Variants in ITFG1 observed in about 807,000 individuals in gnomAD.
ITFG1 encodes T-cell immunomodulatory protein.
In ITFG1, 34 loss-of-function variants were observed where a neutral mutation model predicts 81.8. That is an observed-to-expected ratio of 0.42 (90% CI 0.32 to 0.55). The LOEUF is 0.55. ITFG1 is among the 20% of genes least tolerant of loss of function. The pLI, the probability that ITFG1 is intolerant of heterozygous loss-of-function variation, is 0.17. For missense variants in ITFG1, 672 were observed against 755.4 expected (o/e 0.89, Z 1.29); for synonymous variants, 285 against 270.6 (o/e 1.05, Z -0.52).
At chr16:47,339,140 T>A (rs1210461649) in intron 8 of ITFG1, among the ~76,000 whole-genome samples, 3 of 152,278 alleles carry the variant, frequency 2.0e-5, no homozygotes, top group African/African-American at 7.2e-5. Context: ...AATCTCATTC[T>A]TTCTTATGCC....
chr16:47,162,523 A>G lies in ITFG1; in HGVS notation c.1578+17T>C. The G allele has an allele frequency of 6.3e-7, 1 of 1,580,434 alleles. No homozygotes were observed. The highest frequency in any genetic ancestry group is 1.2e-5 in the South Asian group (1 of 85,398). On this transcript the variant is annotated intron_variant, in intron 15 of 17. Coordinates refer to ENST00000320640, the MANE Select transcript of ITFG1 (RefSeq NM_030790.5). ...TAAAACATAGATTAATTGTAAACAA[A>G]ATGAATTTTTACTCACTTTTTCTCC...
chr16:47,352,823 G>A (rs1357441825), intron 8 of ITFG1, among the ~76,000 whole-genome samples: 2 of 152,132 alleles, frequency 1.3e-5, no homozygotes, highest in African/African-American at 4.8e-5. Context: ...GTCCAACAAT[G>A]ACAGACTGGA....
chr16:47,169,121 C>T (rs1047319251), intron 14 of ITFG1, among the ~76,000 whole-genome samples: 1 of 152,104 alleles, frequency 6.6e-6, no homozygotes, highest in Non-Finnish European at 1.5e-5. Flanking sequence ...TTGTTGATTA[C>T]TGTAGCTTTG....
chr16:47,265,805 T>C (rs1034316335), intron 10 of ITFG1, among the ~76,000 whole-genome samples: 1 of 152,124 alleles, frequency 6.6e-6, no homozygotes, highest in African/African-American at 2.4e-5. Context: ...CTACAAGCCA[T>C]ACGTTGTGAG....
At chr16:47,262,547 T>C (rs1031753652) in intron 10 of ITFG1, among the ~76,000 whole-genome samples, 2 of 152,238 alleles carry the variant, frequency 1.3e-5, no homozygotes, top group Non-Finnish European at 2.9e-5. Flanking sequence ...TGGTCAACAT[T>C]TGAGTGAGCA....
chr16:47,338,431 A>G (rs1428317989), intron 8 of ITFG1, among the ~76,000 whole-genome samples: 1 of 152,118 alleles, frequency 6.6e-6, no homozygotes, highest in Admixed American at 6.5e-5. Context: ...ACAAAAAAAA[A>G]TGGCATTATA....
chr16:47,435,352 C>CA (rs1173727317), intron 5 of ITFG1, among the ~76,000 whole-genome samples: 1 of 151,902 alleles, frequency 6.6e-6, no homozygotes, highest in African/African-American at 2.4e-5. Flanking sequence ...GCTCTGATTA[C>CA]AAAAAAAGAG....
chr16:47,437,147 A>C (rs566803667), intron 5 of ITFG1, among the ~76,000 whole-genome samples: 1 of 152,276 alleles, frequency 6.6e-6, no homozygotes, highest in Non-Finnish European at 1.5e-5. Flanking sequence ...GGTGTGATGA[A>C]CATGTTGTGA....
At chr16:47,337,266 G>A (rs1967718760) in intron 8 of ITFG1, among the ~76,000 whole-genome samples, 1 of 151,776 alleles carries the variant, frequency 6.6e-6, no homozygotes, top group Non-Finnish European at 1.5e-5. Flanking sequence ...GAAGGTCAGT[G>A]GAATAACTTT....
rs748793229 is a variant in ITFG1, at chr16:47,423,251, A to AT, written c.655+5552dup. On this transcript the variant is annotated intron_variant, in intron 6 of 17. Transcript: ENST00000320640. The stretch of plus-strand genomic sequence containing the variant: ...TCAGAGACCAGGACTGCAATCCCTG[A>AT]TTTTTTTTTTTTTTTTTTTGCTTTC... Among the ~76,000 whole-genome samples the AT allele has an allele frequency of 0.029, 3,446 of 118,288 alleles. 246 individuals carry two copies. The East Asian group carries it at 0.33, about 11-fold the overall frequency. The allele number at this position is 118,288 out of a possible 152,430, so 77.6% of individuals were successfully genotyped here. A position where few individuals can be genotyped will look rare whatever the true frequency, so the allele number is the denominator to read the frequency against.
intron 8 of ITFG1, among the ~76,000 whole-genome samples, chr16:47,365,011 C>T (rs1000193090): frequency 5.9e-5 from 9 of 152,200 alleles, no homozygotes; most frequent in Admixed American, 3.3e-4. Context: ...TTGCTATAAG[C>T]CTGTCACTGT....
chr16:47,371,886 C>A, intron 7 of ITFG1, among the ~76,000 whole-genome samples: 1 of 151,652 alleles, frequency 6.6e-6, no homozygotes, highest in Admixed American at 6.6e-5. Flanking sequence ...ATAAAGGGTG[C>A]CCAAGGATCT....
chr16:47,220,913 C>T (rs774985555), intron 13 of ITFG1, among the ~76,000 whole-genome samples: 7 of 152,156 alleles, frequency 4.6e-5, no homozygotes, highest in Non-Finnish European at 8.8e-5. Context: ...ATCCAAGGAG[C>T]ACTCATTTAA....
chr16:47,324,476 A>G (rs969882364), intron 8 of ITFG1, among the ~76,000 whole-genome samples: 2 of 152,240 alleles, frequency 1.3e-5, no homozygotes, highest in African/African-American at 2.4e-5. Flanking sequence ...GATCAAATTC[A>G]CACATAACAA....
chr16:47,311,268 G>T lies in ITFG1; in HGVS notation c.1042C>A (p.Leu348Met). 1 of 1,611,940 alleles carries T rather than the reference G, an allele frequency of 6.2e-7. No homozygotes were observed. The highest frequency in any genetic ancestry group is 1.1e-5 in the South Asian group (1 of 90,780). Residue 348 changes from leucine (L) to methionine (M), a missense_variant, in exon 10 of 18, where the codon CTG (leucine) becomes ATG (methionine). This residue lies in a region of ITFG1 where 560 missense variants were observed against 625.7 expected (regional missense o/e 0.90). Transcript: ENST00000320640. ...CCAGATGTGTTCTTTAGTATGACCA[G>T]AGCGTCTGGATAGCCATCCATATTG... ...DYNMDGYPDALVILKNTSGSN... is the reference protein window; with the variant it reads ...DYNMDGYPDAMVILKNTSGSN...
intron 8 of ITFG1, among the ~76,000 whole-genome samples, chr16:47,315,515 A>T (rs1015564799): frequency 2.6e-5 from 4 of 152,094 alleles, no homozygotes; most frequent in Non-Finnish European, 5.9e-5. Flanking sequence ...TCATATTAGA[A>T]TCTTATTCAT....
intron 10 of ITFG1, among the ~76,000 whole-genome samples, chr16:47,264,438 C>T (rs1415473400): frequency 2.0e-5 from 3 of 151,878 alleles, no homozygotes; most frequent in Admixed American, 6.6e-5. Flanking sequence ...TTGCCTGTTT[C>T]TACACAGTCT....
intron 6 of ITFG1, among the ~76,000 whole-genome samples, chr16:47,390,634 A>C (rs1281297166): frequency 6.6e-6 from 1 of 151,882 alleles, no homozygotes; most frequent in Non-Finnish European, 1.5e-5. Flanking sequence ...TAATTTTTTT[A>C]TTTTTAGTAG....
At chr16:47,350,752 C>A (rs926180401) in intron 8 of ITFG1, among the ~76,000 whole-genome samples, 7 of 151,900 alleles carry the variant, frequency 4.6e-5, no homozygotes, top group Admixed American at 1.3e-4. Context: ...CCGGGCAGAG[C>A]CACAACAAAA....
Sources: allele counts gnomAD v4.1 joint callset (sites outside exome capture counted in the v4.1 genomes callset), GRCh38; gene constraint gnomAD v4.1.1; regional missense constraint gnomAD v4.1.1; transcripts MANE v1.5; gene names NCBI Gene and HGNC (gene_info 2026-07-23, HGNC 2026-07-21).